Variants in DCTN1 observed in about 807,000 individuals in gnomAD.
DCTN1 encodes the protein dynactin subunit 1.
DCTN1 carries 61 observed loss-of-function variants against 161.2 expected under a neutral mutation model. The ratio of observed to expected loss-of-function variants is 0.38; its 90% confidence interval spans 0.31 to 0.47. The LOEUF (loss-of-function observed/expected upper bound fraction) is 0.47. Among genes scored for constraint, DCTN1 ranks in the 20% least tolerant of loss-of-function variants. The pLI, the probability that DCTN1 is intolerant of heterozygous loss-of-function variation, is 0.99. For missense variants in DCTN1, 1,404 were observed against 1,623.7 expected (o/e 0.86, Z 2.33); for synonymous variants, 653 against 632.4 (o/e 1.03, Z -0.49).
chr2:74,378,732 A>G (rs1375643731), intron 1 of DCTN1, among the ~76,000 whole-genome samples: 1 of 152,030 alleles, frequency 6.6e-6, no homozygotes. Flanking sequence ...CTGTGTTTCA[A>G]ATGGTTTTCT....
intron 1 of DCTN1, among the ~76,000 whole-genome samples, chr2:74,388,704 C>T (rs1354023410): frequency 1.3e-5 from 2 of 152,192 alleles, no homozygotes; most frequent in African/African-American, 2.4e-5. Flanking sequence ...TGAATTCCTC[C>T]AGGACAGAGG....
intron 2 of DCTN1, 24 bp from the exon 3 acceptor site, chr2:74,377,750 A>C: frequency 6.2e-7 from 1 of 1,603,344 alleles, no homozygotes; most frequent in Non-Finnish European, 8.5e-7. Flanking sequence ...CAATATAGCC[A>C]GATCAATAGT....
intron 26 of DCTN1, chr2:74,364,779 G>A (rs1020548457): frequency 1.1e-5 from 5 of 450,388 alleles, no homozygotes; most frequent in South Asian, 2.1e-5. Context: ...ATATAGGGCT[G>A]GGCAGAAAGG....
At chr2:74,377,295 CCTT>C in intron 4 of DCTN1, 134 bp downstream of exon 4, 1 of 786,456 alleles carries the variant, frequency 1.3e-6, no homozygotes, top group East Asian at 2.4e-5. Context: ...CAGAAAGCCT[CCTT>C]CTTAGGGAAG....
At chr2:74,388,250 C>A (rs1335918997) in intron 1 of DCTN1, among the ~76,000 whole-genome samples, 1 of 151,454 alleles carries the variant, frequency 6.6e-6, no homozygotes, top group Non-Finnish European at 1.5e-5. Context: ...AGCCTGCAGA[C>A]CCACCTATAC....
intron 5 of DCTN1, among the ~76,000 whole-genome samples, chr2:74,375,658 C>T (rs1675179403): frequency 6.6e-6 from 1 of 152,166 alleles, no homozygotes; most frequent in African/African-American, 2.4e-5. Context: ...GAAATGGAAG[C>T]CCCAACCAGG....
At chr2:74,387,586 G>T (rs188283904) in intron 1 of DCTN1, among the ~76,000 whole-genome samples, 1 of 152,124 alleles carries the variant, frequency 6.6e-6, no homozygotes, top group Non-Finnish European at 1.5e-5. Flanking sequence ...TGAGTCATCC[G>T]CAACAACTCC....
chr2:74,361,752 G>A (rs1674011017), intron 31 of DCTN1, 116 bp from the exon 32 acceptor site: 2 of 1,332,608 alleles, frequency 1.5e-6, no homozygotes, highest in Admixed American at 1.8e-5. Flanking sequence ...TAGGGCTTCT[G>A]AGATCCTGGG....
Position 74,368,888 on chromosome 2 carries a change from G to A in DCTN1, c.1702-8C>T, listed in dbSNP as rs1223678248. ...CAATTCCATCTCAATTGCCTGTGAGGTGAACAGGGAGGAGGACTCTTAGCC... is the reference window on the plus strand; with the variant it reads ...CAATTCCATCTCAATTGCCTGTGAGATGAACAGGGAGGAGGACTCTTAGCC... On this transcript the variant is annotated splice_polypyrimidine_tract_variant and splice_region_variant and intron_variant, in intron 15 of 31. Coordinates refer to ENST00000628224, the MANE Select transcript of DCTN1 (RefSeq NM_004082.5). 5 of 1,614,080 alleles carry A rather than the reference G, an allele frequency of 3.1e-6. No individual in the cohort carries two copies. The highest frequency in any genetic ancestry group is 4.2e-6 in the Non-Finnish European group (5 of 1,179,994).
rs1045359072 is a variant in DCTN1, at chr2:74,362,224, C to A, written c.3610-83G>T. Reference sequence around the variant, plus strand: ...AAGACCACGTGGTTTCACAGAGACACTAATACCAGGGGGGCAGGGACTTAG... The same window carrying A: ...AAGACCACGTGGTTTCACAGAGACAATAATACCAGGGGGGCAGGGACTTAG... On this transcript the variant is annotated intron_variant, in intron 30 of 31. Coordinates refer to ENST00000628224, the MANE Select transcript of DCTN1 (RefSeq NM_004082.5). The A allele has an allele frequency of 3.1e-5, 39 of 1,256,844 alleles. No homozygotes were observed. The Admixed American group carries it at 6.8e-4, about 22-fold the overall frequency. The allele number at this position is 1,256,844 out of a possible 1,614,324, so 77.9% of individuals were successfully genotyped here. A position where few individuals can be genotyped will look rare whatever the true frequency, so the allele number is the denominator to read the frequency against.
chr2:74,362,504 A>T, intron 30 of DCTN1, 146 bp downstream of exon 30: 1 of 809,072 alleles, frequency 1.2e-6, no homozygotes. Context: ...TGAGACAGTG[A>T]GCTTCCAAGG....
chr2:74,363,614 C>T lies in DCTN1; in HGVS notation c.3211G>A (p.Gly1071Arg), dbSNP rs1309880824. 2.5e-6 allele frequency: 4 copies of T among 1,613,624 alleles called. No individual in the cohort carries two copies. The highest frequency in any genetic ancestry group is 3.4e-6 in the Non-Finnish European group (4 of 1,179,884). Residue 1071 changes from glycine to arginine, a missense_variant and splice_region_variant, in exon 27 of 32, where the codon GGA becomes AGA. Around this residue, in one of 9 missense-constraint regions of DCTN1, gnomAD observed 311 missense variants for 298.9 expected, o/e 1.04. Coordinates refer to ENST00000628224, the MANE Select transcript of DCTN1 (RefSeq NM_004082.5). ...ACCCCCGGCCAGAGTGGGTCTCTAC[C>T]TCGCTGCTGTTCTTCTGTGCTCGGG... ...SGIAGEEQQRGAIPGQAPGSV... is the reference protein window; with the variant it reads ...SGIAGEEQQRRAIPGQAPGSV...
chr2:74,383,435 A>G (rs77237233), upstream of DCTN1, among the ~76,000 whole-genome samples: 4,012 of 152,320 alleles, frequency 0.026, 199 homozygotes, highest in African/African-American at 0.091. Flanking sequence ...GAAGGACTTG[A>G]TCCAATAATA....
intron 5 of DCTN1, among the ~76,000 whole-genome samples, chr2:74,374,923 A>G (rs1421061687): frequency 6.6e-6 from 1 of 152,098 alleles, no homozygotes; most frequent in Non-Finnish European, 1.5e-5. Context: ...ATGGCATTCT[A>G]TGGGGCCAGG....
rs367696872 is a variant in DCTN1, at chr2:74,376,098, A to T, written c.414+644T>A. Among the ~76,000 whole-genome samples the T allele has an allele frequency of 5.3e-5, 8 of 152,136 alleles. No homozygotes were observed. In the East Asian group the frequency reaches 9.7e-4, roughly 18 times the overall value. ...GAGTCTATGGTGGGAAGGGGAGGGG[A>T]CGTGACATGATTGAGCCCCACTCCA... On this transcript the variant is annotated intron_variant, in intron 5 of 31. Coordinates refer to ENST00000628224, the MANE Select transcript of DCTN1 (RefSeq NM_004082.5).
At position 74,371,008 on chromosome 2, in the gene DCTN1, G is replaced by T; in HGVS notation, c.814C>A (p.Leu272Met). The T allele has an allele frequency of 6.2e-7, 1 of 1,614,120 alleles. No homozygotes were observed. The highest frequency in any genetic ancestry group is 1.1e-5 in the South Asian group (1 of 91,082). Reference protein sequence around the residue: ...KSKMQEQQADLQRRLKEARKE... With the variant: ...KSKMQEQQADMQRRLKEARKE... The stretch of plus-strand genomic sequence containing the variant: ...CTCGCCTCCTTGAGGCGCCGCTGCA[G>T]GTCGGCCTGCTGCTCCTGCATTTTG... Residue 272 changes from leucine to methionine, a missense_variant, in exon 9 of 32, where the codon CTG (leucine) becomes ATG (methionine). Leu to Met is a conservative substitution (Grantham distance 15, BLOSUM62 2). Coordinates refer to ENST00000628224, the MANE Select transcript of DCTN1 (RefSeq NM_004082.5).
Position 74,366,932 on chromosome 2 carries a change from C to A in DCTN1, c.2317G>T (p.Gly773Cys), listed in dbSNP as rs1316091047. The change falls in exon 21 of 32, where the codon GGT becomes TGT. Residue 773 changes from glycine to cysteine, a missense_variant and splice_region_variant. Coordinates refer to ENST00000628224, the MANE Select transcript of DCTN1 (RefSeq NM_004082.5). ...GCAATATCTGTAGCCTCCTGCCCAC[C>A]CTACTCAGGAAAAAGAAAATGGATG... ...EVGRLRAFLQ[G>C]GQEATDIALL... The A allele has an allele frequency of 6.2e-7, 1 of 1,614,008 alleles. No individual in the cohort carries two copies. Among genetic ancestry groups the A allele is most frequent in the African/African-American group, 1.3e-5 (1 of 74,902 alleles).
In DCTN1 at chr2:74,366,036, G is replaced by A. The variant is rs549475401; in HGVS notation, c.2761-18C>T. 1,559 of 1,614,176 alleles carry A rather than the reference G, an allele frequency of 9.7e-4. 24 individuals carry two copies. The South Asian group carries it at 0.016, about 17-fold the overall frequency. Reference sequence around the variant, plus strand: ...GGTGGAGGCTAAGGAATGGTCGGTAGGGGGTGAGAAAGTGAGGGTGGAGAG... The same window carrying A: ...GGTGGAGGCTAAGGAATGGTCGGTAAGGGGTGAGAAAGTGAGGGTGGAGAG... On this transcript the variant is annotated intron_variant, in intron 23 of 31. Coordinates refer to ENST00000628224, the MANE Select transcript of DCTN1 (RefSeq NM_004082.5).
intron 25 of DCTN1, 121 bp from the exon 26 acceptor site, chr2:74,365,362 C>T: frequency 6.4e-7 from 1 of 1,555,926 alleles, no homozygotes; most frequent in South Asian, 1.2e-5. Flanking sequence ...GCAGCACAGG[C>T]TTAGGCTGGG....
Sources: gnomAD v4.1 joint callset for allele counts (sites outside exome capture counted in the v4.1 genomes callset) on GRCh38, gnomAD v4.1.1 for gene constraint, gnomAD v4.1.1 regional missense constraint, MANE v1.5 for transcripts, NCBI Gene and HGNC (gene_info 2026-07-23, HGNC 2026-07-21) for gene names.